Variants in PPP1R9A observed in about 807,000 individuals in gnomAD.
PPP1R9A encodes the protein protein phosphatase 1 regulatory subunit 9A, also known as neurabin-1.
In PPP1R9A, 59 loss-of-function variants were observed where a neutral mutation model predicts 141.9. The observed-to-expected ratio is 0.42, with a 90% confidence interval of 0.34 to 0.52. The LOEUF (loss-of-function observed/expected upper bound fraction) is 0.52, where lower values mean the gene tolerates loss of function less well. Among genes scored for constraint, PPP1R9A ranks in the 20% least tolerant of loss-of-function variants. The pLI, the probability that PPP1R9A is intolerant of heterozygous loss-of-function variation, is 0.10. For synonymous variants in PPP1R9A, 500 were observed against 569.7 expected (o/e 0.88, Z 1.74); for missense variants, 1,444 against 1,611.9 (o/e 0.90, Z 1.78).
intron 2 of PPP1R9A, among the ~76,000 whole-genome samples, chr7:95,061,820 A>G (rs1003595720): frequency 6.6e-6 from 1 of 152,246 alleles, no homozygotes; most frequent in African/African-American, 2.4e-5. Flanking sequence ...CCAAGATACA[A>G]TAAAACTTTA....
In PPP1R9A at chr7:95,060,743, G is replaced by T. The variant is rs114358191; in HGVS notation, c.1396-50516G>T. Among the ~76,000 whole-genome samples, 1,173 of 152,324 alleles carry T rather than the reference G, an allele frequency of 7.7e-3. 14 individuals are homozygous for T. Among genetic ancestry groups the T allele is most frequent in the African/African-American group, 0.027 (1,123 of 41,566 alleles). On this transcript the variant is annotated intron_variant, in intron 2 of 19. Transcript: ENST00000433360. ...CAAACCTTACTGAGTCAGGTTGTCAGAGGGGTGGGCAGTATGACCTGATTG... is the reference window on the plus strand; with the variant it reads ...CAAACCTTACTGAGTCAGGTTGTCATAGGGGTGGGCAGTATGACCTGATTG...
At chr7:94,924,615 G>A (rs1021304102) in intron 2 of PPP1R9A, among the ~76,000 whole-genome samples, 6 of 152,062 alleles carry the variant, frequency 3.9e-5, no homozygotes, top group Admixed American at 1.3e-4. Context: ...TGCAACTTCC[G>A]TCTCCCGAGT....
At chr7:95,251,934 T>C (rs768362256) in intron 11 of PPP1R9A, 25 bp from the exon 12 acceptor site, 5 of 1,607,282 alleles carry the variant, frequency 3.1e-6, no homozygotes. Context: ...GTTTAGAGTT[T>C]TATAAATGGA....
At chr7:95,037,610 T>C (rs1315472388) in intron 2 of PPP1R9A, among the ~76,000 whole-genome samples, 1 of 152,230 alleles carries the variant, frequency 6.6e-6, no homozygotes, top group Non-Finnish European at 1.5e-5. Flanking sequence ...TTGCTCTCTA[T>C]CATTAGCACC....
intron 2 of PPP1R9A, among the ~76,000 whole-genome samples, chr7:94,983,180 T>C (rs186027816): frequency 2.8e-4 from 42 of 152,330 alleles, no homozygotes; most frequent in Non-Finnish European, 5.4e-4. Flanking sequence ...TTCTGTTCTA[T>C]TGGTCTATAT....
At chr7:94,944,787 C>T (rs780074524) in intron 2 of PPP1R9A, among the ~76,000 whole-genome samples, 2 of 151,890 alleles carry the variant, frequency 1.3e-5, no homozygotes, top group South Asian at 4.1e-4. Context: ...TTGAGAGATA[C>T]TGTAGAATTT....
At chr7:94,929,415 C>T (rs957943455) in intron 2 of PPP1R9A, among the ~76,000 whole-genome samples, 21 of 151,992 alleles carry the variant, frequency 1.4e-4, no homozygotes, top group Middle Eastern at 3.4e-3. Flanking sequence ...ATCTGAGTTT[C>T]GAAGGTTTAA....
chr7:95,078,510 T>A (rs1037341169), intron 2 of PPP1R9A, among the ~76,000 whole-genome samples: 14 of 152,134 alleles, frequency 9.2e-5, no homozygotes, highest in Admixed American at 7.9e-4. Context: ...ATGGGATGGC[T>A]GGGTCAAATG....
At chr7:95,131,943 G>A (rs1200996208) in intron 4 of PPP1R9A, among the ~76,000 whole-genome samples, 1 of 151,962 alleles carries the variant, frequency 6.6e-6, no homozygotes, top group Non-Finnish European at 1.5e-5. Context: ...TTCATTTTGT[G>A]TGTGTGTTAT....
rs143526963 is a variant in PPP1R9A, at chr7:94,947,452, G to A, written c.1395+35944G>A. 9.2e-5 allele frequency among the ~76,000 whole-genome samples: 14 copies of A among 152,272 alleles called. 1 individual carries two copies. In the South Asian group the frequency reaches 1.2e-3, roughly 14 times the overall value. ...GCTACAAGGAAGGTTGAGCAGAGCCGTATGTGGCATTTTCTACAGCTACAG... is the reference window on the plus strand; with the variant it reads ...GCTACAAGGAAGGTTGAGCAGAGCCATATGTGGCATTTTCTACAGCTACAG... On this transcript the variant is annotated intron_variant, in intron 2 of 19. Coordinates refer to ENST00000433360, the MANE Select transcript of PPP1R9A (RefSeq NM_001166160.2).
intron 7 of PPP1R9A, among the ~76,000 whole-genome samples, chr7:95,219,468 A>G (rs1260276409): frequency 1.3e-5 from 2 of 152,050 alleles, no homozygotes; most frequent in East Asian, 1.9e-4. Context: ...CTTCTCAAGG[A>G]GTATCTTTGT....
intron 2 of PPP1R9A, among the ~76,000 whole-genome samples, chr7:94,975,264 T>C: frequency 6.6e-6 from 1 of 151,954 alleles, no homozygotes; most frequent in East Asian, 1.9e-4. Context: ...AAAAGTAGCC[T>C]GGTAGCTTGA....
rs147517975 is a variant in PPP1R9A, at chr7:95,244,958, A to G, written c.2113-2515A>G. On this transcript the variant is annotated intron_variant, in intron 8 of 19. Transcript: ENST00000433360. ...AATGAAAGAGGTTAAGTAATTTTCTAATGCTCCATAGAGTACATGGTAGAC... is the reference window on the plus strand; with the variant it reads ...AATGAAAGAGGTTAAGTAATTTTCTGATGCTCCATAGAGTACATGGTAGAC... Among the ~76,000 whole-genome samples the G allele has an allele frequency of 5.3e-5, 8 of 152,278 alleles. No individual in the cohort carries two copies. In the East Asian group the frequency reaches 1.2e-3, roughly 22 times the overall value.
rs768562142 is a variant in PPP1R9A at position 95,274,101 on chromosome 7, A to C, written c.3229A>C (p.Asn1077His). 2 of 1,583,252 alleles carry C rather than the reference A, an allele frequency of 1.3e-6. No individual in the cohort carries two copies. Among genetic ancestry groups the C allele is most frequent in the Admixed American group, 1.7e-5 (1 of 58,110 alleles). ...TCATTACAGGGCGCCTTTGCGAAGG[A>C]ATTCCAGCAAGGGAAAGAAGTGGAA... ...FVDLGAPLRR[N>H]SSKGKKWKEK... The change falls in exon 16 of 20, where the codon AAT (asparagine) becomes CAT (histidine). Residue 1077 changes from asparagine to histidine, a missense_variant. Coordinates refer to ENST00000433360, the MANE Select transcript of PPP1R9A (RefSeq NM_001166160.2).
rs531908118 is a variant in PPP1R9A at position 95,010,419 on chromosome 7, G to GA, written c.1395+98921dup. On this transcript the variant is annotated intron_variant, in intron 2 of 19. Coordinates refer to ENST00000433360, the MANE Select transcript of PPP1R9A (RefSeq NM_001166160.2). ...ACTCTAGACCCATCAGAGATGGCAA[G>GA]AAAAAAAAAATAGCTTCCTTTAAAT... 9.4e-3 allele frequency among the ~76,000 whole-genome samples: 1,386 copies of GA among 147,582 alleles called. 7 individuals carry two copies. The highest frequency in any genetic ancestry group is 0.012 in the Non-Finnish European group (768 of 66,634).
At chr7:95,120,354 A>T (rs984961731) in intron 3 of PPP1R9A, among the ~76,000 whole-genome samples, 7 of 152,250 alleles carry the variant, frequency 4.6e-5, no homozygotes, top group African/African-American at 1.7e-4. Flanking sequence ...GATTTATTTA[A>T]AATTATATGT....
At chr7:95,139,467 A>G (rs1284934949) in intron 4 of PPP1R9A, among the ~76,000 whole-genome samples, 3 of 152,128 alleles carry the variant, frequency 2.0e-5, no homozygotes, top group Non-Finnish European at 4.4e-5. Context: ...CACAACTCAA[A>G]TTTCTATTTT....
intron 3 of PPP1R9A, among the ~76,000 whole-genome samples, chr7:95,116,626 A>G (rs767489481): frequency 6.6e-6 from 1 of 152,238 alleles, no homozygotes; most frequent in African/African-American, 2.4e-5. Flanking sequence ...GGCTCCAAAT[A>G]GAACTGCCAA....
chr7:95,062,888 G>C (rs1052565111), intron 2 of PPP1R9A, among the ~76,000 whole-genome samples: 5 of 152,150 alleles, frequency 3.3e-5, no homozygotes, highest in African/African-American at 1.2e-4. Flanking sequence ...GGTAGCAGTA[G>C]CGGCTGTGGG....
Sources: gnomAD v4.1 joint callset for allele counts (sites outside exome capture counted in the v4.1 genomes callset) on GRCh38, gnomAD v4.1.1 for gene constraint, MANE v1.5 for transcripts, NCBI Gene and HGNC (gene_info 2026-07-23, HGNC 2026-07-21) for gene names.